Variants in ARID1B observed in about 807,000 individuals in gnomAD.
ARID1B encodes the protein AT-rich interactive domain-containing protein 1B.
In ARID1B, 30 loss-of-function variants were observed where a neutral mutation model predicts 212.3. The observed-to-expected ratio is 0.14, with a 90% CI of 0.11 to 0.19. ARID1B has a LOEUF of 0.19. Ranked by LOEUF, ARID1B falls within the 10% of genes least tolerant of loss-of-function variation. The probability of loss-of-function intolerance (pLI) is 1.00; values close to 1 mark genes in which losing one functional copy is unlikely to be tolerated. For synonymous variants in ARID1B, 1,402 were observed against 1,301.7 expected (o/e 1.08, Z -1.66); for missense variants, 2,891 against 3,204.0 (o/e 0.90, Z 2.36).
chr6:157,120,126 T>C (rs1787606415), intron 6 of ARID1B, among the ~76,000 whole-genome samples: 1 of 152,226 alleles, frequency 6.6e-6, no homozygotes, highest in African/African-American at 2.4e-5. Context: ...CTCCAGGGCA[T>C]AGCGACGTAC....
chr6:157,037,381 C>T (rs2128508584), intron 4 of ARID1B, among the ~76,000 whole-genome samples: 1 of 152,294 alleles, frequency 6.6e-6, no homozygotes, highest in Non-Finnish European at 1.5e-5. Flanking sequence ...AATCATCCCA[C>T]AGGGTAGCTG....
chr6:157,063,735 C>G (rs1378127313), intron 4 of ARID1B, among the ~76,000 whole-genome samples: 1 of 152,136 alleles, frequency 6.6e-6, no homozygotes, highest in Admixed American at 6.5e-5. Flanking sequence ...CAATCTAGTC[C>G]TTGTACAATA....
intron 8 of ARID1B, chr6:157,149,263 G>A (rs147953402): frequency 1.5e-5 from 5 of 329,966 alleles, no homozygotes; most frequent in African/African-American, 6.1e-5. Flanking sequence ...AAGTGTCTGC[G>A]TGGTACCAAT....
At chr6:157,100,000 T>A (rs1207724724) in intron 5 of ARID1B, among the ~76,000 whole-genome samples, 1 of 152,114 alleles carries the variant, frequency 6.6e-6, no homozygotes, top group African/African-American at 2.4e-5. Context: ...ATATTTTGGA[T>A]AAGGATTTAG....
At chr6:156,815,995 T>A (rs1198717936) in intron 1 of ARID1B, among the ~76,000 whole-genome samples, 1 of 152,262 alleles carries the variant, frequency 6.6e-6, no homozygotes, top group African/African-American at 2.4e-5. Flanking sequence ...TAGACTTTTC[T>A]CATGTTAATA....
At chr6:156,845,728 A>G (rs377206168) in intron 2 of ARID1B, among the ~76,000 whole-genome samples, 11 of 152,304 alleles carry the variant, frequency 7.2e-5, no homozygotes, top group African/African-American at 2.2e-4. Flanking sequence ...AGACTCATTC[A>G]GTATTAAACT....
rs1237904999 is a variant in ARID1B, at chr6:156,861,484, G to A, written c.1986+32063G>A. ...AAATTAGCCAGGCATGGTGGTGCTA[G>A]CCTGTGGTCTCAGCTACTCGGGAGG... is the stretch of plus-strand genomic sequence containing the variant. On this transcript the variant is annotated intron_variant, in intron 2 of 19. Coordinates refer to ENST00000636930, the MANE Select transcript of ARID1B (RefSeq NM_001374828.1). Among the ~76,000 whole-genome samples, 3 of 152,086 alleles carry A rather than the reference G, an allele frequency of 2.0e-5. No individual in the cohort carries two copies. The East Asian group carries it at 5.8e-4, about 29-fold the overall frequency.
intron 4 of ARID1B, among the ~76,000 whole-genome samples, chr6:157,054,137 T>C (rs959133759): frequency 1.3e-5 from 2 of 151,000 alleles, no homozygotes; most frequent in African/African-American, 4.9e-5. Context: ...GGCAGAAGAA[T>C]CGCTTGAACC....
intron 11 of ARID1B, among the ~76,000 whole-genome samples, chr6:157,178,682 T>C (rs1347132258): frequency 6.6e-6 from 1 of 152,106 alleles, no homozygotes; most frequent in Non-Finnish European, 1.5e-5. Context: ...ATTTTTCCAG[T>C]GTTATGACAA....
chr6:157,200,773 C>T lies in ARID1B; in HGVS notation c.4548C>T (p.Asn1516=), dbSNP rs1400239215. ...PAKRHEGDMY[N]MQYSSQQQEM... is the part of the protein sequence containing the mutation. The stretch of plus-strand genomic sequence containing the variant: ...AGCGCCACGAGGGCGACATGTACAA[C>T]ATGCAGTACAGCAGCCAGCAGCAGG... Residue 1516 remains asparagine (N), a synonymous_variant, in exon 18 of 20, where the codon AAC becomes AAT. Transcript: ENST00000636930. This position sits in a 1 kb window ranked among gnomAD's most constrained non-coding sequence, Gnocchi z 4.3. 23 of 1,613,964 alleles carry T rather than the reference C, an allele frequency of 1.4e-5. No individual in the cohort carries two copies. Among genetic ancestry groups the T allele is most frequent in the Non-Finnish European group, 1.9e-5 (23 of 1,180,030 alleles).
chr6:157,148,271 T>C lies in ARID1B; in HGVS notation c.2762-353T>C, dbSNP rs1237917766. On this transcript the variant is annotated intron_variant, in intron 7 of 19. Coordinates refer to ENST00000636930, the MANE Select transcript of ARID1B (RefSeq NM_001374828.1). This position sits in a 1 kb window ranked among gnomAD's most constrained non-coding sequence, Gnocchi z 5.6. ...GTGGTGCTCACCATTTTGGTTAAAA[T>C]ATAAGAATATGTGGTGTTGAATGGA... 6.6e-6 allele frequency among the ~76,000 whole-genome samples: 1 copy of C among 152,154 alleles called. No individual in the cohort carries two copies. Among genetic ancestry groups the C allele is most frequent in the Non-Finnish European group, 1.5e-5 (1 of 68,032 alleles).
At chr6:157,118,160 G>A (rs1476505151) in intron 6 of ARID1B, among the ~76,000 whole-genome samples, 3 of 152,166 alleles carry the variant, frequency 2.0e-5, no homozygotes, top group African/African-American at 4.8e-5. Flanking sequence ...TAATATTCAA[G>A]AATAGATTAA....
chr6:156,871,999 A>C (rs1008683765), intron 2 of ARID1B, among the ~76,000 whole-genome samples: 2 of 152,238 alleles, frequency 1.3e-5, no homozygotes, highest in Non-Finnish European at 2.9e-5. Context: ...AAAAAATAGT[A>C]AATGAGTTAA....
chr6:157,207,735 G>T lies in ARID1B; in HGVS notation c.6963G>T (p.Ala2321=). 2.5e-6 allele frequency: 4 copies of T among 1,587,690 alleles called. No homozygotes were observed. The highest frequency in any genetic ancestry group is 2.6e-6 in the Non-Finnish European group (3 of 1,160,396). Residue 2321 remains alanine (A), a synonymous_variant, in exon 20 of 20, where the codon GCG becomes GCT. Transcript: ENST00000636930. This position sits in a 1 kb window ranked among gnomAD's most constrained non-coding sequence, Gnocchi z 8.5. The part of the protein sequence containing the change: ...EPPSVDMMCR[A]AKALLAMARV... ...CTAGCGTAGACATGATGTGCAGGGC[G>T]GCCAAGGCTTTGCTAGCCATGGCCA... is the stretch of plus-strand genomic sequence containing the variant.
chr6:157,149,349 C>T (rs756606050), intron 8 of ARID1B: 70 of 192,768 alleles, frequency 3.6e-4, no homozygotes, highest in Admixed American at 4.7e-4. Context: ...GAACACACTC[C>T]CCACCTTTTT....
At chr6:157,167,006 C>A (rs1327335673) in intron 8 of ARID1B, 34 bp from the exon 9 acceptor site, 2 of 1,602,790 alleles carry the variant, frequency 1.2e-6, no homozygotes. Flanking sequence ...TGTGCATGGT[C>A]GGTATATGTG....
At chr6:157,144,200 A>G (rs896596406) in intron 7 of ARID1B, among the ~76,000 whole-genome samples, 4 of 152,222 alleles carry the variant, frequency 2.6e-5, no homozygotes, top group Non-Finnish European at 5.9e-5. Context: ...CTTGACTCCC[A>G]GTTAAACCCA....
chr6:156,924,969 A>G (rs1324319896), intron 3 of ARID1B, among the ~76,000 whole-genome samples: 1 of 152,182 alleles, frequency 6.6e-6, no homozygotes, highest in African/African-American at 2.4e-5. Context: ...TTAGGCAACC[A>G]TGTGGCTTCC....
At chr6:156,976,509 A>T (rs1270533412) in intron 4 of ARID1B, 1 of 178,574 alleles carries the variant, frequency 5.6e-6, no homozygotes, top group African/African-American at 2.5e-5. Flanking sequence ...GAAGGATTCA[A>T]AATTAACCAC....
Sources: gnomAD v4.1 joint callset for allele counts (sites outside exome capture counted in the v4.1 genomes callset) on GRCh38, gnomAD v4.1.1 for gene constraint, Gnocchi (gnomAD v3.1) non-coding constraint, MANE v1.5 for transcripts, NCBI Gene and HGNC (gene_info 2026-07-23, HGNC 2026-07-21) for gene names.